Variants in ANXA2 observed in about 807,000 individuals in gnomAD.
ANXA2 encodes annexin II.
A neutral mutation model predicts 47.3 loss-of-function variants in ANXA2; 28 were observed. That is an observed-to-expected ratio of 0.59 (90% CI 0.44 to 0.81). The LOEUF (loss-of-function observed/expected upper bound fraction) is 0.81, where lower values mean the gene tolerates loss of function less well. ANXA2 is among the 40% of genes least tolerant of loss of function. The probability of loss-of-function intolerance (pLI) is 0.00; values close to 1 mark genes in which losing one functional copy is unlikely to be tolerated. For missense variants in ANXA2, 384 were observed against 414.3 expected, an observed-to-expected ratio of 0.93 and a Z score of 0.64; for synonymous variants, 172 against 155.5, an observed-to-expected ratio of 1.11 and a Z score of -0.79.
At chr15:60,361,841 C>T (rs1357398890) in intron 4 of ANXA2, among the ~76,000 whole-genome samples, 2 of 151,980 alleles carry the variant, frequency 1.3e-5, no homozygotes, top group South Asian at 2.1e-4. Context: ...CTTCCTCGAG[C>T]TAAACTTCCT....
chr15:60,367,251 C>T (rs1186887092), intron 3 of ANXA2, among the ~76,000 whole-genome samples: 1 of 107,328 alleles, frequency 9.3e-6, no homozygotes, highest in African/African-American at 3.6e-5. Flanking sequence ...CCAGCCGCCC[C>T]GTCCGGGAGG....
intron 3 of ANXA2, among the ~76,000 whole-genome samples, chr15:60,368,392 T>G (rs1435464687): frequency 6.6e-6 from 1 of 152,006 alleles, no homozygotes; most frequent in Non-Finnish European, 1.5e-5. Context: ...AGATGCTTAT[T>G]TCAGCATTGT....
At chr15:60,361,926 CTCT>C (rs556948513) in intron 4 of ANXA2, among the ~76,000 whole-genome samples, 20 of 150,904 alleles carry the variant, frequency 1.3e-4, no homozygotes, top group Admixed American at 1.2e-3. Flanking sequence ...TTTCTTCTCT[CTCT>C]TCTTTCTTTC....
At chr15:60,379,220 G>T (rs181401241) in intron 3 of ANXA2, among the ~76,000 whole-genome samples, 1 of 152,064 alleles carries the variant, frequency 6.6e-6, no homozygotes, top group African/African-American at 2.4e-5. Flanking sequence ...AGAGGTTGCA[G>T]TGAGCCAAGA....
At chr15:60,395,034 A>G (rs1049188396) in intron 1 of ANXA2, among the ~76,000 whole-genome samples, 37 of 152,336 alleles carry the variant, frequency 2.4e-4, no homozygotes, top group South Asian at 1.9e-3. Context: ...AATTCTCACA[A>G]TTGAATCTGG....
At position 60,355,681 on chromosome 15, in the gene ANXA2, G is replaced by A. The variant is rs940081219; in HGVS notation, c.528+238C>T. ...CATAAATCCAGGCCAGGACTTGAGA[G>A]CCGCCCATCCCTTCTCTGGCTCCCA... On this transcript the variant is annotated intron_variant, in intron 7 of 12. Coordinates refer to ENST00000451270, the MANE Select transcript of ANXA2 (RefSeq NM_004039.3). 11 of 573,548 alleles carry A rather than the reference G, an allele frequency of 1.9e-5. No homozygotes were observed. In the African/African-American group the frequency reaches 2.1e-4, roughly 11 times the overall value. The allele number at this position is 573,548 out of a possible 1,614,324, so 35.5% of individuals were successfully genotyped here. A position where few individuals can be genotyped will look rare whatever the true frequency, so the allele number is the denominator to read the frequency against.
At chr15:60,362,739 A>C (rs1057104398) in intron 4 of ANXA2, 3 of 152,180 alleles carry the variant, frequency 2.0e-5, no homozygotes, top group African/African-American at 7.2e-5. Context: ...GCTGAGAGTC[A>C]AGAATTAGTA....
intron 3 of ANXA2, among the ~76,000 whole-genome samples, chr15:60,374,275 C>G (rs1033828061): frequency 2.6e-5 from 4 of 152,178 alleles, no homozygotes; most frequent in African/African-American, 7.2e-5. Context: ...GCTACAAGAC[C>G]AGCAGGAAAA....
intron 1 of ANXA2, chr15:60,390,235 T>G (rs1404479169): frequency 9.9e-7 from 1 of 1,008,974 alleles, no homozygotes. Flanking sequence ...TCTATGAAAT[T>G]TGACATTATC....
chr15:60,384,332 G>A (rs1006651408), intron 2 of ANXA2: 1 of 152,164 alleles, frequency 6.6e-6, no homozygotes, highest in Non-Finnish European at 1.5e-5. Context: ...AACAGTGAGG[G>A]GGAAAAGTTT....
At chr15:60,386,199 G>T in intron 1 of ANXA2, 113 bp from the exon 2 acceptor site, 1 of 740,080 alleles carries the variant, frequency 1.4e-6, no homozygotes, top group Non-Finnish European at 2.3e-6. Flanking sequence ...TGACGATATT[G>T]GAGTAGTTTT....
At chr15:60,379,574 C>T (rs1257902919) in intron 3 of ANXA2, among the ~76,000 whole-genome samples, 1 of 152,126 alleles carries the variant, frequency 6.6e-6, no homozygotes, top group Non-Finnish European at 1.5e-5. Context: ...GTGTTCAAAT[C>T]CCAGTTTGAT....
chr15:60,357,858 G>A (rs1427914609), intron 5 of ANXA2, among the ~76,000 whole-genome samples: 2 of 151,598 alleles, frequency 1.3e-5, no homozygotes, highest in Non-Finnish European at 2.9e-5. Context: ...ACTAAAACTG[G>A]CAATTGCCTT....
intron 1 of ANXA2, among the ~76,000 whole-genome samples, chr15:60,395,004 G>C (rs1368080410): frequency 1.3e-5 from 2 of 152,154 alleles, no homozygotes; most frequent in African/African-American, 4.8e-5. Context: ...AAAAAAAAGA[G>C]GAACATTCCA....
chr15:60,353,790 C>T (rs537039430), intron 8 of ANXA2, among the ~76,000 whole-genome samples: 2 of 152,278 alleles, frequency 1.3e-5, no homozygotes, highest in African/African-American at 4.8e-5. Flanking sequence ...AAGCCGGCTG[C>T]CATGTTGTGA....
At position 60,360,149 on chromosome 15, in the gene ANXA2, G is replaced by A. The variant is rs540716406; in HGVS notation, c.357+792C>T. ...CGCATGCCTGTAATCCCAGCTACTCGGGATGCTGAGGCAGGAGAATCTCTT... is the reference window on the plus strand; with the variant it reads ...CGCATGCCTGTAATCCCAGCTACTCAGGATGCTGAGGCAGGAGAATCTCTT... On this transcript the variant is annotated intron_variant, in intron 5 of 12. Coordinates refer to ENST00000451270, the MANE Select transcript of ANXA2 (RefSeq NM_004039.3). Among the ~76,000 whole-genome samples, 74 of 152,240 alleles carry A rather than the reference G, an allele frequency of 4.9e-4. No homozygotes were observed. In the South Asian group the frequency reaches 0.014, roughly 29 times the overall value.
At chr15:60,347,751 A>C in intron 12 of ANXA2, 62 bp from the exon 13 acceptor site, 1 of 1,394,686 alleles carries the variant, frequency 7.2e-7, no homozygotes, top group Non-Finnish European at 1.0e-6. Flanking sequence ...CTCCTCAATA[A>C]CACAGAAGTA....
rs546844907 is a variant in ANXA2 at position 60,368,807 on chromosome 15, C to T, written c.149-4284G>A. Among the ~76,000 whole-genome samples the T allele has an allele frequency of 1.8e-4, 28 of 152,196 alleles. 1 individual carries two copies. In the South Asian group the frequency reaches 4.1e-3, roughly 23 times the overall value. ...TGGCAGGCAGTCATTGCTCCAGAATCGACTAGTGACTTCACTTCAAGAGAG... is the reference window on the plus strand; with the variant it reads ...TGGCAGGCAGTCATTGCTCCAGAATTGACTAGTGACTTCACTTCAAGAGAG... On this transcript the variant is annotated intron_variant, in intron 3 of 12. Coordinates refer to ENST00000451270, the MANE Select transcript of ANXA2 (RefSeq NM_004039.3).
intron 3 of ANXA2, among the ~76,000 whole-genome samples, chr15:60,379,386 C>G (rs1186743890): frequency 6.6e-6 from 1 of 152,132 alleles, no homozygotes; most frequent in Non-Finnish European, 1.5e-5. Flanking sequence ...TAAAGCTAGA[C>G]CACAAATATG....
Sources: allele counts gnomAD v4.1 joint callset (sites outside exome capture counted in the v4.1 genomes callset), GRCh38; gene constraint gnomAD v4.1.1; transcripts MANE v1.5; gene names NCBI Gene and HGNC (gene_info 2026-07-23, HGNC 2026-07-21).